The following PAQR5 variants were observed in gnomAD, a reference collection of about 807,000 sequenced individuals.
PAQR5 encodes the protein membrane progestin receptor gamma.
A neutral mutation model predicts 34.5 loss-of-function variants in PAQR5; 20 were observed. That is an observed-to-expected ratio of 0.58 (90% CI 0.41 to 0.84). The LOEUF is 0.84. Among genes scored for constraint, PAQR5 ranks in the 40% least tolerant of loss-of-function variants. The pLI is 0.00. For synonymous variants in PAQR5, 131 were observed against 155.6 expected (o/e 0.84, Z 1.18); for missense variants, 378 against 412.7 (o/e 0.92, Z 0.73).
At chr15:69,365,120 A>C (rs1367038858) in intron 3 of PAQR5, among the ~76,000 whole-genome samples, 1 of 133,510 alleles carries the variant, frequency 7.5e-6, no homozygotes. Flanking sequence ...TTATTTATTT[A>C]TTTAGAGACA....
intron 1 of PAQR5, among the ~76,000 whole-genome samples, chr15:69,318,089 C>T (rs893187535): frequency 2.0e-5 from 3 of 152,190 alleles, no homozygotes; most frequent in African/African-American, 7.2e-5. Context: ...TGTTTCGTTG[C>T]GAGGACTCAG....
At chr15:69,393,682 AAGACCTCCTGGGGG>A (rs2056333477) in intron 6 of PAQR5, among the ~76,000 whole-genome samples, 1 of 152,070 alleles carries the variant, frequency 6.6e-6, no homozygotes, top group Admixed American at 6.5e-5. Context: ...CAGGGAGGGG[AAGACCTCCTGGGGG>A]AGACCAGGAA....
intron 1 of PAQR5, among the ~76,000 whole-genome samples, chr15:69,313,791 G>T (rs989099116): frequency 7.9e-5 from 12 of 152,060 alleles, no homozygotes; most frequent in Non-Finnish European, 1.3e-4. Context: ...GTGAGCAGGT[G>T]AGCCGCCTAA....
chr15:69,395,640 C>A, intron 6 of PAQR5, among the ~76,000 whole-genome samples: 1 of 152,154 alleles, frequency 6.6e-6, no homozygotes, highest in Non-Finnish European at 1.5e-5. Flanking sequence ...TCAGGAGGTA[C>A]ACAAAGGTTA....
At chr15:69,326,934 C>G (rs545986800) in intron 1 of PAQR5, among the ~76,000 whole-genome samples, 166 of 150,150 alleles carry the variant, frequency 1.1e-3, no homozygotes, top group Non-Finnish European at 1.9e-3. Context: ...TTATGTTGTG[C>G]ATTCTATGGA....
At chr15:69,348,163 G>C (rs1261611343) in intron 2 of PAQR5, among the ~76,000 whole-genome samples, 1 of 149,878 alleles carries the variant, frequency 6.7e-6, no homozygotes, top group Non-Finnish European at 1.5e-5. Context: ...CCTAACTTTG[G>C]GACACCTCTG....
At chr15:69,315,060 TGAG>T (rs2053916102) in intron 1 of PAQR5, among the ~76,000 whole-genome samples, 1 of 152,114 alleles carries the variant, frequency 6.6e-6, no homozygotes, top group Non-Finnish European at 1.5e-5. Flanking sequence ...CAGCCTGGGA[TGAG>T]GAGACTGAAG....
intron 4 of PAQR5, among the ~76,000 whole-genome samples, chr15:69,382,702 A>ATATG (rs1334818964): frequency 5.9e-4 from 66 of 111,374 alleles, no homozygotes; most frequent in African/African-American, 2.1e-3. Context: ...ATATATATAT[A>ATATG]TATGTATGTA....
At chr15:69,369,224 G>A (rs145311588) in intron 3 of PAQR5, among the ~76,000 whole-genome samples, 2 of 152,064 alleles carry the variant, frequency 1.3e-5, no homozygotes, top group East Asian at 3.9e-4. Flanking sequence ...CTTTCCCTAT[G>A]TGTGCATGCC....
chr15:69,333,116 A>AATT (rs1270724679), intron 1 of PAQR5, among the ~76,000 whole-genome samples: 2 of 151,812 alleles, frequency 1.3e-5, no homozygotes, highest in African/African-American at 4.8e-5. Flanking sequence ...CAGTTGACTG[A>AATT]ATTATTTTTT....
intron 1 of PAQR5, among the ~76,000 whole-genome samples, chr15:69,324,794 C>T (rs941576555): frequency 3.9e-5 from 6 of 152,162 alleles, no homozygotes; most frequent in Admixed American, 2.6e-4. Context: ...TCGAATGGCA[C>T]GCCCTCTTCC....
chr15:69,384,915 C>G, intron 5 of PAQR5, 33 bp downstream of exon 5: 1 of 1,560,252 alleles, frequency 6.4e-7, no homozygotes, highest in Non-Finnish European at 8.8e-7. Context: ...TTTCCTTCCC[C>G]TGCAACCGGG....
intron 1 of PAQR5, among the ~76,000 whole-genome samples, chr15:69,325,447 T>C (rs1029353636): frequency 6.3e-5 from 9 of 143,346 alleles, no homozygotes; most frequent in Non-Finnish European, 1.2e-4. Context: ...CTATTAGATG[T>C]GCCGCGTGGC....
intron 2 of PAQR5, among the ~76,000 whole-genome samples, chr15:69,348,767 A>G (rs578081770): frequency 1.3e-5 from 2 of 152,212 alleles, no homozygotes; most frequent in South Asian, 2.1e-4. Context: ...CTGATACCCA[A>G]GATGGCTACT....
At chr15:69,301,337 C>T (rs1042054168) in intron 1 of PAQR5, among the ~76,000 whole-genome samples, 4 of 152,142 alleles carry the variant, frequency 2.6e-5, no homozygotes, top group African/African-American at 4.8e-5. Context: ...AGAGGACTTT[C>T]ACTTTACCCT....
At chr15:69,308,111 G>A (rs1385389569) in intron 1 of PAQR5, among the ~76,000 whole-genome samples, 1 of 152,182 alleles carries the variant, frequency 6.6e-6, no homozygotes, top group African/African-American at 2.4e-5. Context: ...ATGACCTGGA[G>A]GGCCCTGCGG....
intron 6 of PAQR5, chr15:69,396,944 C>T (rs2056453420): frequency 9.2e-6 from 3 of 324,522 alleles, no homozygotes; most frequent in African/African-American, 2.2e-5. Flanking sequence ...AGCCAAGTAT[C>T]CCTGTGTGTG....
chr15:69,379,853 C>T (rs2055830762), intron 3 of PAQR5, 30 bp from the exon 4 acceptor site: 2 of 1,608,870 alleles, frequency 1.2e-6, no homozygotes, highest in Non-Finnish European at 1.7e-6. Context: ...TCTGGTCTCA[C>T]CTCAGTGTCC....
intron 1 of PAQR5, among the ~76,000 whole-genome samples, chr15:69,300,931 C>T (rs1209952614): frequency 2.5e-5 from 1 of 40,150 alleles, no homozygotes; most frequent in African/African-American, 6.3e-5. Context: ...CTCTCTCTCT[C>T]TCTCTCTCTT....
Sources: allele counts gnomAD v4.1 joint callset (sites outside exome capture counted in the v4.1 genomes callset), GRCh38; gene constraint gnomAD v4.1.1; transcripts MANE v1.5; gene names NCBI Gene and HGNC (gene_info 2026-07-23, HGNC 2026-07-21).